RNF212: variants seen among roughly 807,000 people sequenced by gnomAD.
The protein encoded by RNF212 is ring finger protein 212.
A neutral mutation model predicts 34.7 loss-of-function variants in RNF212; 33 were observed. The ratio of observed to expected loss-of-function variants is 0.95; its 90% CI spans 0.72 to 1.27. The LOEUF (loss-of-function observed/expected upper bound fraction) is 1.27. RNF212 is among the 50% of genes most tolerant of loss of function. The pLI is 0.00. For missense variants in RNF212, 377 were observed against 362.2 expected, an observed-to-expected ratio of 1.04 and a Z score of -0.33; for synonymous variants, 140 against 136.1, an observed-to-expected ratio of 1.03 and a Z score of -0.20.
chr4:1,069,897 C>T (rs1282519570), downstream of RNF212, among the ~76,000 whole-genome samples: 2 of 152,234 alleles, frequency 1.3e-5, no homozygotes, highest in African/African-American at 4.8e-5. Context: ...AGATTCTTGA[C>T]CAGAGGAGAA....
chr4:1,064,583 CTTTT>C (rs1717965259), intron 3 of RNF212, among the ~76,000 whole-genome samples: 1 of 151,888 alleles, frequency 6.6e-6, no homozygotes, highest in South Asian at 2.1e-4. Context: ...CATACGGCCT[CTTTT>C]GTGTGTGTGC....
chr4:1,104,827 C>G (rs972148397), intron 2 of RNF212, among the ~76,000 whole-genome samples: 3 of 152,190 alleles, frequency 2.0e-5, no homozygotes, highest in Non-Finnish European at 4.4e-5. Context: ...TCGCCATGAC[C>G]TGACATCTAA....
intron 2 of RNF212, among the ~76,000 whole-genome samples, chr4:1,104,130 T>C (rs1724446003): frequency 6.6e-6 from 1 of 152,236 alleles, no homozygotes; most frequent in African/African-American, 2.4e-5. Context: ...AATCATTGAA[T>C]ACCTAACAGA....
chr4:1,076,121 C>T (rs1454066842), intron 8 of RNF212, among the ~76,000 whole-genome samples: 1 of 152,222 alleles, frequency 6.6e-6, no homozygotes, highest in African/African-American at 2.4e-5. Flanking sequence ...AATTATCCCG[C>T]CAAGCCAGAC....
At chr4:1,075,683 C>T (rs1019490239) in intron 8 of RNF212, among the ~76,000 whole-genome samples, 32 of 152,276 alleles carry the variant, frequency 2.1e-4, no homozygotes, top group African/African-American at 6.7e-4. Flanking sequence ...AACTCATAAC[C>T]TTTTGTTTTT....
At chr4:1,075,963 C>T (rs1225728620) in intron 8 of RNF212, among the ~76,000 whole-genome samples, 1 of 152,126 alleles carries the variant, frequency 6.6e-6, no homozygotes, top group Non-Finnish European at 1.5e-5. Context: ...TGTCTGGCCA[C>T]CTCATAAGTT....
At chr4:1,089,993 G>C (rs1721926813) in intron 4 of RNF212, among the ~76,000 whole-genome samples, 1 of 152,108 alleles carries the variant, frequency 6.6e-6, no homozygotes, top group African/African-American at 2.4e-5. Flanking sequence ...GACAGTGTAG[G>C]GGTGAGGGGT....
intron 5 of RNF212, among the ~76,000 whole-genome samples, chr4:1,083,982 CTT>C (rs527893634): frequency 3.1e-4 from 40 of 129,908 alleles, no homozygotes; most frequent in Middle Eastern, 5.4e-3. Context: ...GAGTTTTGCT[CTT>C]GTTACCCAGG....
intron 5 of RNF212, among the ~76,000 whole-genome samples, chr4:1,085,027 G>C (rs539066682): frequency 2.6e-5 from 4 of 152,342 alleles, no homozygotes; most frequent in African/African-American, 9.6e-5. Context: ...ACAGCAGGGA[G>C]GTGGGCACCT....
intron 3 of RNF212, among the ~76,000 whole-genome samples, chr4:1,064,022 GA>G (rs150873976): frequency 8.0e-5 from 12 of 149,432 alleles, no homozygotes; most frequent in East Asian, 1.9e-4. Flanking sequence ...TTCAAATATG[GA>G]AAAAAAAAAT....
intron 4 of RNF212, 129 bp downstream of exon 4, chr4:1,090,653 A>G: frequency 1.5e-6 from 1 of 679,786 alleles, no homozygotes; most frequent in Non-Finnish European, 2.7e-6. Context: ...CCATAGCTGG[A>G]AACACACAGA....
chr4:1,083,253 T>C (rs1174172504), intron 5 of RNF212, among the ~76,000 whole-genome samples: 1 of 152,142 alleles, frequency 6.6e-6, no homozygotes, highest in Non-Finnish European at 1.5e-5. Flanking sequence ...AATGACTACA[T>C]AAAAGACGAA....
chr4:1,067,948 G>T (rs747107572), downstream of RNF212, among the ~76,000 whole-genome samples: 1 of 151,962 alleles, frequency 6.6e-6, no homozygotes, highest in East Asian at 1.9e-4. Context: ...AATTGCTGAG[G>T]ATTCTTGAGA....
In RNF212 at chr4:1,080,131, C is replaced by G. The variant is rs113553785; in HGVS notation, c.465-443G>C. 7.0e-3 allele frequency among the ~76,000 whole-genome samples: 1,069 copies of G among 152,348 alleles called. 9 individuals are homozygous for G. Among genetic ancestry groups the G allele is most frequent in the African/African-American group, 0.024 (1,009 of 41,570 alleles). ...CCACACCGTGCACGCTCGGTACGCACTAGTTCCTTCATTTGCCAAAGGCAG... is the reference window on the plus strand; with the variant it reads ...CCACACCGTGCACGCTCGGTACGCAGTAGTTCCTTCATTTGCCAAAGGCAG... On this transcript the variant is annotated intron_variant, in intron 7 of 9. Coordinates refer to ENST00000433731, the MANE Select transcript of RNF212 (RefSeq NM_001131034.4).
At chr4:1,093,359 A>C in intron 3 of RNF212, 1 of 1,131,542 alleles carries the variant, frequency 8.8e-7, no homozygotes, top group Non-Finnish European at 1.2e-6. Flanking sequence ...TAAATCCATG[A>C]TGTGTTAACA....
At chr4:1,112,351 G>C (rs1725819314) in intron 1 of RNF212, among the ~76,000 whole-genome samples, 1 of 152,194 alleles carries the variant, frequency 6.6e-6, no homozygotes, top group East Asian at 1.9e-4. Context: ...GGTCAGCACA[G>C]CTGGCGTCCC....
At chr4:1,078,011 G>A (rs548469197) in intron 8 of RNF212, among the ~76,000 whole-genome samples, 5 of 152,104 alleles carry the variant, frequency 3.3e-5, no homozygotes, top group African/African-American at 4.8e-5. Context: ...ACGGCTCTTC[G>A]TTCCCTACTG....
intron 4 of RNF212, among the ~76,000 whole-genome samples, chr4:1,090,041 TGACAG>T (rs1721937278): frequency 7.0e-6 from 1 of 142,924 alleles, no homozygotes; most frequent in Non-Finnish European, 1.5e-5. Flanking sequence ...TGGGATGGGG[TGACAG>T]GACAGGGTGG....
chr4:1,093,966 T>C (rs1722633904), intron 3 of RNF212: 1 of 1,536,114 alleles, frequency 6.5e-7, no homozygotes, highest in Non-Finnish European at 8.7e-7. Context: ...TTGGAGGATG[T>C]GGCTGGGCAT....
Sources: allele counts gnomAD v4.1 joint callset (sites outside exome capture counted in the v4.1 genomes callset), GRCh38; gene constraint gnomAD v4.1.1; transcripts MANE v1.5; gene names NCBI Gene and HGNC (gene_info 2026-07-23, HGNC 2026-07-21).